Variants in C1orf21 observed in about 807,000 individuals in gnomAD.
C1orf21 encodes the protein uncharacterized protein C1orf21.
A neutral mutation model predicts 18.7 loss-of-function variants in C1orf21; 3 were observed. The observed-to-expected ratio is 0.16, with a 90% CI of 0.07 to 0.42. The LOEUF (loss-of-function observed/expected upper bound fraction) is 0.42. Among genes scored for constraint, C1orf21 ranks in the 10% least tolerant of loss-of-function variants. C1orf21 has a pLI of 0.99. For synonymous variants in C1orf21, 41 were observed against 46.4 expected (o/e 0.88, Z 0.47); for missense variants, 104 against 143.6 (o/e 0.72, Z 1.41).
chr1:184,571,746 A>T (rs1571282831), intron 3 of C1orf21, among the ~76,000 whole-genome samples: 2 of 152,018 alleles, frequency 1.3e-5, no homozygotes, highest in East Asian at 3.9e-4. Flanking sequence ...ATAAGGGGGG[A>T]GTTTAAAAAT....
intron 3 of C1orf21, among the ~76,000 whole-genome samples, chr1:184,560,339 A>G (rs1658944530): frequency 6.6e-6 from 1 of 152,318 alleles, no homozygotes; most frequent in African/African-American, 2.4e-5. Flanking sequence ...AAACCAAAGA[A>G]AAGGCACCGT....
intron 1 of C1orf21, among the ~76,000 whole-genome samples, chr1:184,456,652 A>G (rs1373203587): frequency 6.6e-6 from 1 of 151,188 alleles, no homozygotes; most frequent in Non-Finnish European, 1.5e-5. Context: ...GCCAGATTTG[A>G]TATTTTTCAT....
chr1:184,564,054 C>T (rs894324481), intron 3 of C1orf21, among the ~76,000 whole-genome samples: 4 of 152,094 alleles, frequency 2.6e-5, no homozygotes, highest in African/African-American at 9.7e-5. Context: ...ATTATTTCAC[C>T]GTGGATGCTT....
intron 3 of C1orf21, among the ~76,000 whole-genome samples, chr1:184,554,432 T>C (rs1658851673): frequency 6.6e-6 from 1 of 152,186 alleles, no homozygotes; most frequent in Non-Finnish European, 1.5e-5. Flanking sequence ...AAGAAACTAT[T>C]GGGTGGTTTG....
intron 5 of C1orf21, among the ~76,000 whole-genome samples, chr1:184,608,765 A>G (rs1422508462): frequency 6.6e-6 from 1 of 152,136 alleles, no homozygotes; most frequent in Non-Finnish European, 1.5e-5. Flanking sequence ...AGGCTCCATA[A>G]TAAAGTCCCA....
Position 184,544,198 on chromosome 1 carries a change from C to A in C1orf21, c.189+36516C>A, listed in dbSNP as rs568154963. Among the ~76,000 whole-genome samples, 5 of 152,300 alleles carry A rather than the reference C, an allele frequency of 3.3e-5. No homozygotes were observed. In the South Asian group the frequency reaches 1.0e-3, roughly 32 times the overall value. On this transcript the variant is annotated intron_variant, in intron 3 of 5. Transcript: ENST00000235307. ...GAAAGTAATCAAAATCAGACACTCT[C>A]ACTCCTAGACTCAACTTCAGTGGTT...
intron 3 of C1orf21, among the ~76,000 whole-genome samples, chr1:184,560,582 G>A (rs1400329115): frequency 1.3e-5 from 2 of 152,064 alleles, no homozygotes; most frequent in Non-Finnish European, 2.9e-5. Context: ...CTAATTAGCT[G>A]AAAGAATCAT....
rs1655913254 is a variant in C1orf21 at position 184,387,951 on chromosome 1, C to T, written c.-125+583C>T. Among the ~76,000 whole-genome samples, 1 of 152,092 alleles carries T rather than the reference C, an allele frequency of 6.6e-6. No individual in the cohort carries two copies. The highest frequency in any genetic ancestry group is 1.5e-5 in the Non-Finnish European group (1 of 68,006). ...CGTTTCGTTGCATCTGTTTGCCCACCTCGGTGTATTTATTATTCGTGCCCA... is the reference window on the plus strand; with the variant it reads ...CGTTTCGTTGCATCTGTTTGCCCACTTCGGTGTATTTATTATTCGTGCCCA... On this transcript the variant is annotated intron_variant, in intron 1 of 5. Transcript: ENST00000235307. This position sits in a 1 kb window ranked among gnomAD's most constrained non-coding sequence, Gnocchi z 5.6.
intron 1 of C1orf21, among the ~76,000 whole-genome samples, chr1:184,430,614 C>G (rs927491315): frequency 2.0e-5 from 3 of 152,144 alleles, no homozygotes; most frequent in Non-Finnish European, 2.9e-5. Flanking sequence ...TAAGTTAGCT[C>G]TGTAATTTAT....
chr1:184,519,025 G>T (rs925826898), intron 3 of C1orf21, among the ~76,000 whole-genome samples: 2 of 152,124 alleles, frequency 1.3e-5, no homozygotes, highest in African/African-American at 4.8e-5. Context: ...GGCTAGCTGG[G>T]TGTTTTTTTC....
At chr1:184,586,009 G>A (rs1659346923) in intron 3 of C1orf21, among the ~76,000 whole-genome samples, 1 of 152,124 alleles carries the variant, frequency 6.6e-6, no homozygotes, top group African/African-American at 2.4e-5. Flanking sequence ...GGGTCAAATG[G>A]TAGTTCTATT....
intron 3 of C1orf21, among the ~76,000 whole-genome samples, chr1:184,552,014 G>A (rs1658820564): frequency 6.6e-6 from 1 of 151,172 alleles, no homozygotes; most frequent in South Asian, 2.1e-4. Flanking sequence ...AAACAAGAGG[G>A]CTTTGGGCAG....
At chr1:184,547,581 C>T (rs577021076) in intron 3 of C1orf21, among the ~76,000 whole-genome samples, 1 of 152,244 alleles carries the variant, frequency 6.6e-6, no homozygotes, top group South Asian at 2.1e-4. Context: ...GCAGTGTACA[C>T]GTGTGCACGC....
At chr1:184,536,126 G>A (rs1185463632) in intron 3 of C1orf21, among the ~76,000 whole-genome samples, 1 of 152,160 alleles carries the variant, frequency 6.6e-6, no homozygotes, top group Non-Finnish European at 1.5e-5. Context: ...TTTACAGAGG[G>A]GATGGCTGTA....
At chr1:184,562,580 G>A (rs1287882838) in intron 3 of C1orf21, among the ~76,000 whole-genome samples, 4 of 152,190 alleles carry the variant, frequency 2.6e-5, no homozygotes, top group African/African-American at 4.8e-5. Context: ...ATGAAGCATC[G>A]AGGGAATAAT....
chr1:184,427,629 T>A (rs941597795), intron 1 of C1orf21, among the ~76,000 whole-genome samples: 4 of 152,186 alleles, frequency 2.6e-5, no homozygotes, highest in Non-Finnish European at 5.9e-5. Context: ...TTGAAATGAA[T>A]GAAATTGATG....
At chr1:184,546,690 C>A (rs1024244741) in intron 3 of C1orf21, among the ~76,000 whole-genome samples, 2 of 152,142 alleles carry the variant, frequency 1.3e-5, no homozygotes, top group Admixed American at 6.5e-5. Context: ...GATATGCATG[C>A]CTTTGTGCAC....
At chr1:184,612,799 C>T (rs1041250004) in intron 5 of C1orf21, among the ~76,000 whole-genome samples, 1 of 152,140 alleles carries the variant, frequency 6.6e-6, no homozygotes, top group Non-Finnish European at 1.5e-5. Context: ...CCAGAGTCAA[C>T]AAGAAGAAGG....
intron 1 of C1orf21, among the ~76,000 whole-genome samples, chr1:184,446,642 A>G (rs1346646426): frequency 6.6e-6 from 1 of 152,126 alleles, no homozygotes; most frequent in Non-Finnish European, 1.5e-5. Flanking sequence ...ATGGATACCT[A>G]TAGATCAGAA....
Sources: allele counts gnomAD v4.1 joint callset (sites outside exome capture counted in the v4.1 genomes callset), GRCh38; gene constraint gnomAD v4.1.1; non-coding constraint Gnocchi (gnomAD v3.1); transcripts MANE v1.5; gene names NCBI Gene and HGNC (gene_info 2026-07-23, HGNC 2026-07-21).